LRMDA: variants seen among roughly 807,000 people sequenced by gnomAD.
LRMDA encodes leucine-rich melanocyte differentiation-associated protein.
LRMDA carries 18 observed loss-of-function variants against 29.8 expected under a neutral mutation model. The ratio of observed to expected loss-of-function variants is 0.60; its 90% confidence interval spans 0.42 to 0.90. The LOEUF is 0.90. LRMDA is among the 40% of genes least tolerant of loss of function. The pLI, the probability that LRMDA is intolerant of heterozygous loss-of-function variation, is 0.00. For missense variants in LRMDA, 273 were observed against 273.9 expected (o/e 1.00, Z 0.02); for synonymous variants, 125 against 109.4 (o/e 1.14, Z -0.89).
chr10:75,509,542 C>A (rs1029928563), intron 2 of LRMDA, among the ~76,000 whole-genome samples: 4 of 152,116 alleles, frequency 2.6e-5, no homozygotes, highest in African/African-American at 9.7e-5. Flanking sequence ...CTGTTGACAC[C>A]ATGATTTGCT....
At chr10:75,939,090 A>T (rs1248622320) in intron 2 of LRMDA, among the ~76,000 whole-genome samples, 1 of 152,132 alleles carries the variant, frequency 6.6e-6, no homozygotes, top group Non-Finnish European at 1.5e-5. Flanking sequence ...ATCCCCCCAA[A>T]ATCATGCCAG....
chr10:76,101,074 C>A (rs1223455822), intron 5 of LRMDA, among the ~76,000 whole-genome samples: 2 of 152,178 alleles, frequency 1.3e-5, no homozygotes, highest in African/African-American at 4.8e-5. Flanking sequence ...AATAATTTTA[C>A]AAATTATCCA....
At position 75,560,745 on chromosome 10, in the gene LRMDA, C is replaced by T. The variant is rs1014317996; in HGVS notation, c.131+122251C>T. The stretch of plus-strand genomic sequence containing the variant: ...TTTATTGAGAGTTTTTAGCATGAAG[C>T]ATTGTTGAATTTTGTCAAAGGCCTT... On this transcript the variant is annotated intron_variant, in intron 2 of 6. Coordinates refer to ENST00000611255, the MANE Select transcript of LRMDA (RefSeq NM_001305581.2). Among the ~76,000 whole-genome samples the T allele has an allele frequency of 2.0e-5, 3 of 151,394 alleles. No homozygotes were observed. The East Asian group carries it at 5.8e-4, about 29-fold the overall frequency.
chr10:76,535,043 C>G (rs937725033), intron 6 of LRMDA, among the ~76,000 whole-genome samples: 1 of 152,200 alleles, frequency 6.6e-6, no homozygotes, highest in African/African-American at 2.4e-5. Context: ...TTGCTATGTG[C>G]CAGGCAATAG....
chr10:76,442,946 C>T (rs1465172065), intron 6 of LRMDA, among the ~76,000 whole-genome samples: 1 of 152,114 alleles, frequency 6.6e-6, no homozygotes, highest in African/African-American at 2.4e-5. Context: ...AAGATTTACT[C>T]CACCTAGGTC....
intron 5 of LRMDA, among the ~76,000 whole-genome samples, chr10:76,190,268 C>T (rs944255693): frequency 6.6e-6 from 1 of 151,878 alleles, no homozygotes; most frequent in African/African-American, 2.4e-5. Flanking sequence ...TCTAAAGTGG[C>T]ATCATTTTCA....
At chr10:75,766,363 G>C (rs1167430640) in intron 2 of LRMDA, among the ~76,000 whole-genome samples, 1 of 152,070 alleles carries the variant, frequency 6.6e-6, no homozygotes, top group African/African-American at 2.4e-5. Flanking sequence ...GGCAGTGCTT[G>C]GTACATAATA....
At chr10:76,313,510 G>C (rs914144088) in intron 5 of LRMDA, among the ~76,000 whole-genome samples, 1 of 152,148 alleles carries the variant, frequency 6.6e-6, no homozygotes, top group Non-Finnish European at 1.5e-5. Context: ...TTGTGAATTA[G>C]TCAAGAACAG....
chr10:75,455,200 C>G (rs1844501625), intron 2 of LRMDA, among the ~76,000 whole-genome samples: 1 of 152,108 alleles, frequency 6.6e-6, no homozygotes, highest in Non-Finnish European at 1.5e-5. Flanking sequence ...GTGGGAACTG[C>G]CCAGAATAGC....
intron 5 of LRMDA, among the ~76,000 whole-genome samples, chr10:76,155,374 C>T (rs1850519019): frequency 6.6e-6 from 1 of 152,044 alleles, no homozygotes; most frequent in Non-Finnish European, 1.5e-5. Context: ...ACTCTTCTCC[C>T]TAAAGGTCAT....
At chr10:76,553,420 C>T (rs1011217139) in intron 6 of LRMDA, among the ~76,000 whole-genome samples, 5 of 152,328 alleles carry the variant, frequency 3.3e-5, no homozygotes, top group African/African-American at 7.2e-5. Context: ...ATTCCAGCCT[C>T]GGAGTGCCTC....
intron 6 of LRMDA, among the ~76,000 whole-genome samples, chr10:76,459,383 A>C (rs530602458): frequency 4.6e-5 from 7 of 152,292 alleles, no homozygotes; most frequent in Middle Eastern, 3.4e-3. Context: ...TTTCTCCGTC[A>C]CTTGGGACTG....
intron 2 of LRMDA, among the ~76,000 whole-genome samples, chr10:75,886,102 C>G (rs903680606): frequency 2.0e-5 from 3 of 152,202 alleles, no homozygotes; most frequent in African/African-American, 7.2e-5. Context: ...TAAGCTGTGG[C>G]TGAAATCTCT....
chr10:76,466,683 C>A (rs574735186), intron 6 of LRMDA, among the ~76,000 whole-genome samples: 2 of 152,196 alleles, frequency 1.3e-5, no homozygotes, highest in East Asian at 3.9e-4. Context: ...GTAGTCCCAG[C>A]TACTCACAAG....
intron 2 of LRMDA, among the ~76,000 whole-genome samples, chr10:75,982,113 C>T (rs1293051641): frequency 1.3e-5 from 2 of 152,192 alleles, no homozygotes; most frequent in Non-Finnish European, 2.9e-5. Context: ...ATGCCACCCT[C>T]AACTGGGGGA....
At chr10:76,010,288 A>C (rs1211990453) in intron 2 of LRMDA, among the ~76,000 whole-genome samples, 1 of 150,172 alleles carries the variant, frequency 6.7e-6, no homozygotes. Flanking sequence ...GATGGTGTTT[A>C]GGGTACTCTT....
chr10:76,473,228 C>T (rs1318702938), intron 6 of LRMDA, among the ~76,000 whole-genome samples: 1 of 151,290 alleles, frequency 6.6e-6, no homozygotes, highest in African/African-American at 2.4e-5. Flanking sequence ...TAACATAATA[C>T]ACCATATCAG....
intron 5 of LRMDA, among the ~76,000 whole-genome samples, chr10:76,261,958 T>C (rs1364822580): frequency 6.6e-6 from 1 of 152,068 alleles, no homozygotes. Context: ...GCAATAAAAT[T>C]AGAAAACGAG....
chr10:75,909,340 G>GA (rs1359754175), intron 2 of LRMDA, among the ~76,000 whole-genome samples: 1 of 152,086 alleles, frequency 6.6e-6, no homozygotes, highest in Non-Finnish European at 1.5e-5. Context: ...TCATACAACA[G>GA]AAAAAATCTG....
Sources: gnomAD v4.1 joint callset for allele counts (sites outside exome capture counted in the v4.1 genomes callset) on GRCh38, gnomAD v4.1.1 for gene constraint, MANE v1.5 for transcripts, NCBI Gene and HGNC (gene_info 2026-07-23, HGNC 2026-07-21) for gene names.